Variants in NELL1 observed in about 807,000 individuals in gnomAD.
NELL1 encodes neural EGFL like 1.
In NELL1, 76 loss-of-function variants were observed where a neutral mutation model predicts 107.4. That is an observed-to-expected ratio of 0.71 (90% CI 0.59 to 0.86). NELL1 has a LOEUF of 0.86. Ranked by LOEUF, NELL1 falls within the 40% of genes least tolerant of loss-of-function variation. The probability of loss-of-function intolerance (pLI) is 0.00; values close to 1 mark genes in which losing one functional copy is unlikely to be tolerated. For missense variants in NELL1, 1,024 were observed against 1,005.5 expected (o/e 1.02, Z -0.25); for synonymous variants, 353 against 341.2 (o/e 1.03, Z -0.38).
At chr11:21,469,958 G>GAC (rs1048832321) in intron 15 of NELL1, among the ~76,000 whole-genome samples, 3 of 149,018 alleles carry the variant, frequency 2.0e-5, no homozygotes, top group Admixed American at 6.7e-5. Context: ...TACTGCTGAT[G>GAC]ACACTTACTA....
At chr11:21,010,966 T>C (rs1488238449) in intron 12 of NELL1, among the ~76,000 whole-genome samples, 1 of 152,094 alleles carries the variant, frequency 6.6e-6, no homozygotes, top group African/African-American at 2.4e-5. Context: ...TAAATTACAA[T>C]CATACTGCAC....
intron 14 of NELL1, among the ~76,000 whole-genome samples, chr11:21,232,531 C>A (rs950742624): frequency 1.3e-5 from 2 of 152,062 alleles, no homozygotes; most frequent in South Asian, 2.1e-4. Flanking sequence ...CTGAAATAAC[C>A]AAATTTGTGT....
intron 4 of NELL1, among the ~76,000 whole-genome samples, chr11:20,871,834 A>G (rs1849204365): frequency 6.6e-6 from 1 of 151,618 alleles, no homozygotes; most frequent in Non-Finnish European, 1.5e-5. Flanking sequence ...CCTGGCTAAC[A>G]TGGTGAAACC....
At chr11:21,066,519 G>A (rs1203590352) in intron 12 of NELL1, among the ~76,000 whole-genome samples, 2 of 152,174 alleles carry the variant, frequency 1.3e-5, no homozygotes, top group Non-Finnish European at 1.5e-5. Flanking sequence ...CTTTGGGCAA[G>A]TTAATTTATT....
At chr11:21,261,696 G>T (rs766224694) in intron 14 of NELL1, among the ~76,000 whole-genome samples, 1 of 151,758 alleles carries the variant, frequency 6.6e-6, no homozygotes, top group Non-Finnish European at 1.5e-5. Flanking sequence ...ATGCAGTACT[G>T]CCTCAAAGGA....
At chr11:20,910,216 C>T (rs1180242803) in intron 5 of NELL1, among the ~76,000 whole-genome samples, 1 of 152,110 alleles carries the variant, frequency 6.6e-6, no homozygotes, top group Non-Finnish European at 1.5e-5. Context: ...TCCCGTGGTG[C>T]TCGGCAATGT....
At chr11:21,382,819 A>T (rs1422654636) in intron 15 of NELL1, among the ~76,000 whole-genome samples, 2 of 151,948 alleles carry the variant, frequency 1.3e-5, no homozygotes, top group Non-Finnish European at 2.9e-5. Context: ...CCTGCTTCTC[A>T]CCAAGCAAGC....
intron 13 of NELL1, among the ~76,000 whole-genome samples, chr11:21,213,304 A>G (rs1035851131): frequency 2.0e-4 from 31 of 152,194 alleles, no homozygotes; most frequent in Admixed American, 1.6e-3. Context: ...ATTCTCCATA[A>G]GTTGATCTGT....
chr11:20,779,308 T>G (rs906036546), intron 2 of NELL1, among the ~76,000 whole-genome samples: 2 of 152,240 alleles, frequency 1.3e-5, no homozygotes, highest in Non-Finnish European at 2.9e-5. Flanking sequence ...CATCCCATTG[T>G]ACTTGTAAGT....
Position 21,096,688 on chromosome 11 carries a change from A to G in NELL1, c.1301-16901A>G, listed in dbSNP as rs542960741. ...GAAGATTTCTATTTTGGGGACTACA[A>G]TCATCTTCACTCCATACCACTTCCA... On this transcript the variant is annotated intron_variant, in intron 12 of 19. Transcript: ENST00000357134. Among the ~76,000 whole-genome samples, 10 of 152,096 alleles carry G rather than the reference A, an allele frequency of 6.6e-5. No individual in the cohort carries two copies. The South Asian group carries it at 2.1e-3, about 32-fold the overall frequency.
At chr11:21,078,150 C>T (rs1315801697) in intron 12 of NELL1, among the ~76,000 whole-genome samples, 1 of 151,948 alleles carries the variant, frequency 6.6e-6, no homozygotes, top group Admixed American at 6.6e-5. Context: ...AAACAAAAAT[C>T]TAGTGCATCC....
chr11:21,336,133 A>C (rs1850389599), intron 14 of NELL1, among the ~76,000 whole-genome samples: 1 of 152,006 alleles, frequency 6.6e-6, no homozygotes, highest in Non-Finnish European at 1.5e-5. Context: ...TTTTTTCGTA[A>C]ACTTTCTCAG....
intron 2 of NELL1, among the ~76,000 whole-genome samples, chr11:20,729,267 T>C (rs1418969387): frequency 6.6e-6 from 1 of 152,144 alleles, no homozygotes; most frequent in Non-Finnish European, 1.5e-5. Flanking sequence ...ATAGTTTAAC[T>C]TCTTTTTTGA....
intron 12 of NELL1, among the ~76,000 whole-genome samples, chr11:21,085,023 T>A (rs78069739): frequency 6.6e-6 from 1 of 152,206 alleles, no homozygotes; most frequent in Admixed American, 6.5e-5. Context: ...TCTTTTATGG[T>A]GTAGGAATTA....
intron 14 of NELL1, among the ~76,000 whole-genome samples, chr11:21,238,407 C>A (rs1156588105): frequency 6.6e-6 from 1 of 151,940 alleles, no homozygotes. Context: ...AATATGATAA[C>A]TTCTATTTTC....
At chr11:20,743,445 T>A (rs1855936269) in intron 2 of NELL1, among the ~76,000 whole-genome samples, 1 of 152,210 alleles carries the variant, frequency 6.6e-6, no homozygotes, top group East Asian at 1.9e-4. Flanking sequence ...AACCCAACCC[T>A]ACTTTCTAGA....
At chr11:21,572,596 GAC>G (rs1252749413) in intron 18 of NELL1, among the ~76,000 whole-genome samples, 1 of 144,028 alleles carries the variant, frequency 6.9e-6, no homozygotes, top group East Asian at 2.0e-4. Flanking sequence ...CAGATGCTGA[GAC>G]ACACAAAAGC....
chr11:20,860,526 C>T (rs893286890), intron 4 of NELL1, among the ~76,000 whole-genome samples: 1 of 152,162 alleles, frequency 6.6e-6, no homozygotes, highest in African/African-American at 2.4e-5. Flanking sequence ...TCTACTCAGT[C>T]CACCTGTACA....
At chr11:21,345,872 A>T (rs1294262058) in intron 14 of NELL1, among the ~76,000 whole-genome samples, 1 of 152,184 alleles carries the variant, frequency 6.6e-6, no homozygotes, top group African/African-American at 2.4e-5. Flanking sequence ...TGGCACCTTC[A>T]TATCAGCTTT....
Sources: allele counts gnomAD v4.1 joint callset (sites outside exome capture counted in the v4.1 genomes callset), GRCh38; gene constraint gnomAD v4.1.1; transcripts MANE v1.5; gene names NCBI Gene and HGNC (gene_info 2026-07-23, HGNC 2026-07-21).